The following SRPK1 variants were observed in gnomAD, a reference collection of about 807,000 sequenced individuals.
SRPK1 encodes SRSF protein kinase 1.
In SRPK1, 52 loss-of-function variants were observed where a neutral mutation model predicts 89.5. That is an observed-to-expected ratio of 0.58 (90% CI 0.46 to 0.73). The LOEUF (loss-of-function observed/expected upper bound fraction) is 0.73, where lower values mean the gene tolerates loss of function less well. Ranked by LOEUF, SRPK1 falls within the 30% of genes least tolerant of loss-of-function variation. The probability of loss-of-function intolerance (pLI) is 0.00; values close to 1 mark genes in which losing one functional copy is unlikely to be tolerated. For missense variants in SRPK1, 603 were observed against 780.6 expected (o/e 0.77, Z 2.71); for synonymous variants, 255 against 270.2 (o/e 0.94, Z 0.55).
At chr6:35,857,936 T>A (rs983138263) in intron 12 of SRPK1, among the ~76,000 whole-genome samples, 2 of 152,246 alleles carry the variant, frequency 1.3e-5, no homozygotes, top group African/African-American at 4.8e-5. Flanking sequence ...ACCTGAAGTT[T>A]TCTCTGAGTA....
intron 2 of SRPK1, among the ~76,000 whole-genome samples, chr6:35,918,456 G>A (rs1369951223): frequency 1.3e-5 from 2 of 151,728 alleles, no homozygotes; most frequent in African/African-American, 4.8e-5. Flanking sequence ...AGCCGAGATC[G>A]CACCATTGCA....
rs755197234 is a variant in SRPK1, at chr6:35,869,073, A to T, written c.1449T>A (p.Leu483=). 2.5e-6 allele frequency: 4 copies of T among 1,613,992 alleles called. No homozygotes were observed. The highest frequency in any genetic ancestry group is 1.6e-4 in the Middle Eastern group (1 of 6,062). The change falls in exon 12 of 16, where the codon CTT becomes CTA. Residue 483 remains leucine, a synonymous_variant. Transcript: ENST00000373825. ...TGAGCTTTTCTGCATTTTTTGGCTC[A>T]AGGGGATTAACAAGAAAATTTCCAG... ...STAGNFLVNP[L]EPKNAEKLKV...
chr6:35,915,991 A>AAAAAAAT lies in SRPK1; in HGVS notation c.74+4476_74+4477insATTTTTT, dbSNP rs1433969114. Among the ~76,000 whole-genome samples the AAAAAAAT allele has an allele frequency of 2.9e-4, 25 of 86,302 alleles. 1 individual carries two copies. Among genetic ancestry groups the AAAAAAAT allele is most frequent in the South Asian group, 2.6e-3 (7 of 2,668 alleles). The allele number at this position is 86,302 out of a possible 152,430, so 56.6% of individuals were successfully genotyped here. ...TGTCTCAAAAACAAAAAAAAAAAAA[A>AAAAAAAT]ATATATACACACACACACACACACA... On this transcript the variant is annotated intron_variant, in intron 2 of 15. Coordinates refer to ENST00000373825, the MANE Select transcript of SRPK1 (RefSeq NM_003137.5).
intron 1 of SRPK1, 171 bp downstream of exon 1, chr6:35,920,873 G>C: frequency 6.1e-6 from 4 of 652,276 alleles, no homozygotes; most frequent in Non-Finnish European, 9.5e-6. Flanking sequence ...CGGACTGAGG[G>C]GCGCGGACCC....
At chr6:35,859,463 C>T (rs910362017) in intron 12 of SRPK1, among the ~76,000 whole-genome samples, 1 of 152,092 alleles carries the variant, frequency 6.6e-6, no homozygotes, top group African/African-American at 2.4e-5. Context: ...CAGAATCCCC[C>T]GAGTATAAAA....
chr6:35,908,315 T>C (rs75300431), intron 2 of SRPK1, among the ~76,000 whole-genome samples: 4,959 of 152,298 alleles, frequency 0.033, 97 homozygotes, highest in Middle Eastern at 0.065. Context: ...ACTTGCACTA[T>C]TTTGACCAAA....
intron 13 of SRPK1, among the ~76,000 whole-genome samples, chr6:35,852,827 A>T (rs1769583145): frequency 6.6e-6 from 1 of 152,176 alleles, no homozygotes; most frequent in South Asian, 2.1e-4. Context: ...TCCCTTACTG[A>T]AACACCTGAC....
At chr6:35,887,904 T>C in intron 5 of SRPK1, 120 bp downstream of exon 5, 1 of 655,246 alleles carries the variant, frequency 1.5e-6, no homozygotes, top group Non-Finnish European at 2.4e-6. Flanking sequence ...TCTTTAAGGT[T>C]ACTAGAACTT....
At position 35,869,694 on chromosome 6, in the gene SRPK1, G is replaced by T. The variant is rs761266237; in HGVS notation, c.1199C>A (p.Ser400Tyr). The T allele has an allele frequency of 6.2e-7, 1 of 1,613,820 alleles. No homozygotes were observed. The highest frequency in any genetic ancestry group is 1.1e-5 in the South Asian group (1 of 91,076). Reference protein sequence around the residue: ...NLNQESSFLSSQNGDSSTSQE... With the variant: ...NLNQESSFLSYQNGDSSTSQE... ...AGATGTGCTGCTGTCTCCATTTTGG[G>T]AGCTTAGGAAACTAGATTCCTGATT... is the stretch of plus-strand genomic sequence containing the variant. Residue 400 changes from serine (S) to tyrosine (Y), a missense_variant, in exon 11 of 16, where the codon TCC becomes TAC. Ser to Tyr is a moderately radical substitution (Grantham distance 144, BLOSUM62 -2). Transcript: ENST00000373825.
chr6:35,887,698 C>T (rs1770439077), intron 5 of SRPK1: 2 of 199,712 alleles, frequency 1.0e-5, no homozygotes, highest in Admixed American at 1.2e-4. Flanking sequence ...ACACAACTTT[C>T]CTTTTAACCA....
intron 13 of SRPK1, among the ~76,000 whole-genome samples, chr6:35,854,075 T>C (rs886625960): frequency 9.9e-5 from 15 of 152,052 alleles, no homozygotes; most frequent in African/African-American, 3.6e-4. Context: ...CTCAGCCTCC[T>C]GAGTAGCTGA....
chr6:35,857,033 T>A, intron 13 of SRPK1: 1 of 442,966 alleles, frequency 2.3e-6, no homozygotes, highest in Non-Finnish European at 4.0e-6. Flanking sequence ...CAATCTGTAG[T>A]AAGAAACTTT....
At chr6:35,862,500 A>G (rs536259841) in intron 12 of SRPK1, among the ~76,000 whole-genome samples, 1 of 152,244 alleles carries the variant, frequency 6.6e-6, no homozygotes, top group South Asian at 2.1e-4. Context: ...AACAACATAT[A>G]TACAACTTCA....
chr6:35,842,458 G>A (rs960550472), intron 14 of SRPK1, 77 bp downstream of exon 14: 22 of 1,137,438 alleles, frequency 1.9e-5, no homozygotes, highest in Admixed American at 2.4e-5. Flanking sequence ...AAGGCTCTTC[G>A]GTACTAACAA....
chr6:35,855,478 T>C (rs1235356463), intron 13 of SRPK1, among the ~76,000 whole-genome samples: 1 of 152,208 alleles, frequency 6.6e-6, no homozygotes, highest in Non-Finnish European at 1.5e-5. Flanking sequence ...CTGCCCTCTT[T>C]CTCAAGTTTT....
At chr6:35,892,066 T>G (rs970206829) in intron 2 of SRPK1, among the ~76,000 whole-genome samples, 3 of 152,218 alleles carry the variant, frequency 2.0e-5, no homozygotes, top group African/African-American at 7.2e-5. Context: ...CTAATGATTT[T>G]TATGTAGTAT....
At chr6:35,880,735 G>GAAAAAAA (rs1238876364) in intron 6 of SRPK1, among the ~76,000 whole-genome samples, 2 of 26,972 alleles carry the variant, frequency 7.4e-5, no homozygotes, top group Non-Finnish European at 1.1e-4. Context: ...AAAAAAAAAA[G>GAAAAAAA]AAAAAAAAAA....
chr6:35,857,734 CT>C (rs1244699293), intron 12 of SRPK1, among the ~76,000 whole-genome samples: 1 of 152,208 alleles, frequency 6.6e-6, no homozygotes, highest in Non-Finnish European at 1.5e-5. Context: ...TCCCAAAGTG[CT>C]GGGATTACAG....
chr6:35,872,345 C>G (rs1350523512), intron 8 of SRPK1, among the ~76,000 whole-genome samples: 1 of 152,172 alleles, frequency 6.6e-6, no homozygotes, highest in East Asian at 1.9e-4. Flanking sequence ...AAACAATACA[C>G]ACCAGCTTTT....
Sources: gnomAD v4.1 joint callset for allele counts (sites outside exome capture counted in the v4.1 genomes callset) on GRCh38, gnomAD v4.1.1 for gene constraint, MANE v1.5 for transcripts, NCBI Gene and HGNC (gene_info 2026-07-23, HGNC 2026-07-21) for gene names.